The following FZR1 variants were observed in gnomAD, a reference collection of about 807,000 sequenced individuals.
FZR1 encodes fizzy-related protein homolog.
FZR1 carries 11 observed loss-of-function variants against 63.6 expected under a neutral mutation model. That is an observed-to-expected ratio of 0.17 (90% confidence interval 0.11 to 0.29). The LOEUF is 0.29. Ranked by LOEUF, FZR1 falls within the 10% of genes least tolerant of loss-of-function variation. The probability of loss-of-function intolerance (pLI) is 1.00; values close to 1 mark genes in which losing one functional copy is unlikely to be tolerated. For synonymous variants in FZR1, 328 were observed against 297.9 expected (o/e 1.10, Z -1.04); for missense variants, 440 against 687.5 (o/e 0.64, Z 4.03).
chr19:3,512,799 G>A (rs768795838), intron 1 of FZR1, among the ~76,000 whole-genome samples: 36 of 152,158 alleles, frequency 2.4e-4, no homozygotes, highest in Admixed American at 1.1e-3. Flanking sequence ...CTCCTCTGAG[G>A]AGTGGCTGGG....
intron 1 of FZR1, among the ~76,000 whole-genome samples, chr19:3,513,727 C>T (rs2083039262): frequency 6.6e-6 from 1 of 152,166 alleles, no homozygotes; most frequent in Admixed American, 6.5e-5. Flanking sequence ...GGTGTTCCCT[C>T]CTCCCTTACC....
Position 3,525,938 on chromosome 19 carries a change from G to A in FZR1, c.140G>A (p.Arg47His). The A allele has an allele frequency of 6.2e-7, 1 of 1,612,364 alleles. No homozygotes were observed. The highest frequency in any genetic ancestry group is 8.5e-7 in the Non-Finnish European group (1 of 1,179,852). The change falls in exon 3 of 14, where the codon CGC becomes CAC. Residue 47 changes from arginine (R) to histidine (H), a missense_variant. Physicochemically the swap from Arg to His is conservative, Grantham distance 29 (BLOSUM62 0). Transcript: ENST00000441788. This position sits in a 1 kb window ranked among gnomAD's most constrained non-coding sequence, Gnocchi z 4.2. ...TCCTCGCCCAGCAAGCACGGAGACC[G>A]CTTCATCCCCTCCAGAGCCGGAGCC... ...PVSSPSKHGD[R>H]FIPSRAGANW...
rs2083141455 is a variant in FZR1 at position 3,525,223 on chromosome 19, T to C, written c.70-645T>C. Among the ~76,000 whole-genome samples, 1 of 152,014 alleles carries C rather than the reference T, an allele frequency of 6.6e-6. No individual in the cohort carries two copies. Among genetic ancestry groups the C allele is most frequent in the Admixed American group, 6.6e-5 (1 of 15,264 alleles). The stretch of plus-strand genomic sequence containing the variant: ...CAGCGTTGGGAGGGCAGTTGGGGTC[T>C]TGTGCTCCCTGGCTCTGTCCCCTCC... On this transcript the variant is annotated intron_variant, in intron 2 of 13. Transcript: ENST00000441788. This position sits in a 1 kb window ranked among gnomAD's most constrained non-coding sequence, Gnocchi z 4.2.
At chr19:3,509,964 G>A (rs1259179060) in intron 1 of FZR1, among the ~76,000 whole-genome samples, 2 of 152,080 alleles carry the variant, frequency 1.3e-5, no homozygotes, top group East Asian at 1.9e-4. Context: ...TGACTGAGGC[G>A]CTGGTGCCTC....
At chr19:3,512,434 T>G (rs1194746251) in intron 1 of FZR1, among the ~76,000 whole-genome samples, 2 of 152,136 alleles carry the variant, frequency 1.3e-5, no homozygotes, top group Non-Finnish European at 2.9e-5. Context: ...TCCCAAGAGG[T>G]GAAGCTGCCC....
At chr19:3,520,399 A>G (rs1040285704) in intron 1 of FZR1, among the ~76,000 whole-genome samples, 1 of 152,152 alleles carries the variant, frequency 6.6e-6, no homozygotes, top group African/African-American at 2.4e-5. Context: ...CTTTGGGCCC[A>G]TGTGCTTTGG....
Position 3,532,007 on chromosome 19 carries a change from G to A in FZR1, c.920G>A (p.Arg307Gln), listed in dbSNP as rs868064252. 5.8e-6 allele frequency: 9 copies of A among 1,560,420 alleles called. No homozygotes were observed. Among genetic ancestry groups the A allele is most frequent in the African/African-American group, 1.3e-5 (1 of 74,134 alleles). The change falls in exon 10 of 14, where the codon CGG (arginine) becomes CAG (glutamine). Residue 307 changes from arginine (R) to glutamine (Q), a missense_variant. This residue lies in a region of FZR1 where 208 missense variants were observed against 363.6 expected (regional missense o/e 0.57). Transcript: ENST00000441788. ...DIRTPPLQSE[R>Q]RLQGHRQEVC... ...CGCACCCCGCCACTGCAGTCGGAGC[G>A]GCGGCTGCAGGGCCACCGGCAGGAG...
rs202117420 is a variant in FZR1, at chr19:3,512,719, C to T, written c.-35+6245C>T. Among the ~76,000 whole-genome samples, 31 of 152,232 alleles carry T rather than the reference C, an allele frequency of 2.0e-4. No individual in the cohort carries two copies. In the East Asian group the frequency reaches 3.5e-3, roughly 17 times the overall value. On this transcript the variant is annotated intron_variant, in intron 1 of 13. Coordinates refer to ENST00000441788, the MANE Select transcript of FZR1 (RefSeq NM_016263.4). ...GACAAGGCCATCTATGCAGCTGGCA[C>T]GGCTGCCCCCTTAATCACATCATGA...
intron 7 of FZR1, among the ~76,000 whole-genome samples, chr19:3,529,218 T>C (rs938019708): frequency 6.7e-5 from 3 of 44,534 alleles, no homozygotes; most frequent in African/African-American, 1.8e-4. Flanking sequence ...GAGTGGATGG[T>C]TGAGCGGATG....
At chr19:3,532,279 T>A in intron 10 of FZR1, 138 bp from the exon 11 acceptor site, 1 of 840,344 alleles carries the variant, frequency 1.2e-6, no homozygotes. Flanking sequence ...GTGACGAGTG[T>A]GTGCCCCCAG....
At position 3,534,480 on chromosome 19, in the gene FZR1, C is replaced by T. The variant is rs1234187490; in HGVS notation, c.1407C>T (p.Phe469=). 5 of 1,610,400 alleles carry T rather than the reference C, an allele frequency of 3.1e-6. No homozygotes were observed. The Admixed American group carries it at 6.7e-5, about 22-fold the overall frequency. The change falls in exon 13 of 14, where the codon TTC becomes TTT. Residue 469 remains phenylalanine (F), a synonymous_variant. Coordinates refer to ENST00000441788, the MANE Select transcript of FZR1 (RefSeq NM_016263.4). ...VTGAGDETLR[F]WNVFSKTRST... is the part of the protein sequence containing the mutation. ...GTGCTGGAGACGAGACCCTGAGGTT[C>T]TGGAACGTCTTTAGCAAAACCCGTT...
Position 3,533,209 on chromosome 19 carries a change from G to A in FZR1, c.1243-85G>A. 2.4e-6 allele frequency: 2 copies of A among 838,794 alleles called. No homozygotes were observed. Among genetic ancestry groups the A allele is most frequent in the Non-Finnish European group, 4.1e-6 (2 of 492,180 alleles). 52.0% of individuals were successfully genotyped at this position (838,794 alleles called of 1,614,324 possible). A position where few individuals can be genotyped will look rare whatever the true frequency, so the allele number is the denominator to read the frequency against. On this transcript the variant is annotated intron_variant, in intron 11 of 13. Coordinates refer to ENST00000441788, the MANE Select transcript of FZR1 (RefSeq NM_016263.4). This position sits in a 1 kb window ranked among gnomAD's most constrained non-coding sequence, Gnocchi z 4.9. ...CTGGCGGCTCTGAGCTCTCACATGG[G>A]CTCAGGCGGGTGCATGTGAGGCAGC... is the stretch of plus-strand genomic sequence containing the variant.
At chr19:3,523,825 T>G (rs2083126200) in intron 2 of FZR1, among the ~76,000 whole-genome samples, 2 of 152,208 alleles carry the variant, frequency 1.3e-5, no homozygotes, top group South Asian at 4.1e-4. Flanking sequence ...GCAACCTCTG[T>G]GCCCAGGCAT....
rs1157074044 is a variant in FZR1, at chr19:3,514,817, T to G, written c.-34-8139T>G. On this transcript the variant is annotated intron_variant, in intron 1 of 13. Transcript: ENST00000441788. The surrounding 1 kb of genome is among the most constrained non-coding windows in gnomAD (Gnocchi z 4.2). ...CGTCTCCCTCTGTACGGGGGCCCTGTCACTGTTTTGTCAGGTGACTGGGTC... is the reference window on the plus strand; with the variant it reads ...CGTCTCCCTCTGTACGGGGGCCCTGGCACTGTTTTGTCAGGTGACTGGGTC... Among the ~76,000 whole-genome samples the G allele has an allele frequency of 6.6e-6, 1 of 152,216 alleles. No homozygotes were observed. The highest frequency in any genetic ancestry group is 2.4e-5 in the African/African-American group (1 of 41,452).
At chr19:3,511,965 C>T (rs1200890332) in intron 1 of FZR1, among the ~76,000 whole-genome samples, 3 of 152,178 alleles carry the variant, frequency 2.0e-5, no homozygotes, top group Non-Finnish European at 4.4e-5. Flanking sequence ...TCCGCTAGGC[C>T]CCGGCTCTGG....
In FZR1 at chr19:3,535,036, G is replaced by A. The variant is rs779600652; in HGVS notation, c.*200G>A. The A allele has an allele frequency of 1.5e-4, 88 of 601,106 alleles. No individual in the cohort carries two copies. The highest frequency in any genetic ancestry group is 2.3e-4 in the Non-Finnish European group (78 of 336,122). The allele number at this position is 601,106 out of a possible 1,614,324, so 37.2% of individuals were successfully genotyped here. A position where few individuals can be genotyped will look rare whatever the true frequency, so the allele number is the denominator to read the frequency against. On this transcript the variant is annotated 3_prime_UTR_variant, in exon 14 of 14. Transcript: ENST00000441788. ...GTCCACCAGTATCTGGGGTGGGCAC[G>A]TGGTCGGGGACCCTCAGCAGCAGGG...
chr19:3,531,672 C>A, intron 8 of FZR1, 42 bp from the exon 9 acceptor site: 1 of 1,408,072 alleles, frequency 7.1e-7, no homozygotes, highest in Non-Finnish European at 9.8e-7. Flanking sequence ...AGTCCCCGGG[C>A]CAGACCTGAC....
In FZR1 at chr19:3,522,959, A is replaced by C; in HGVS notation, c.-31A>C. The C allele has an allele frequency of 6.4e-7, 1 of 1,554,470 alleles. No homozygotes were observed. The highest frequency in any genetic ancestry group is 8.9e-7 in the Non-Finnish European group (1 of 1,126,724). On this transcript the variant is annotated 5_prime_UTR_variant, in exon 2 of 14. Coordinates refer to ENST00000441788, the MANE Select transcript of FZR1 (RefSeq NM_016263.4). ...TCTCCTGCCCTTCCCGCTGCAGGCT[A>C]ACCTTGCCGCGGGCCGAGCCCTGCC...
In FZR1 at chr19:3,533,595, C is replaced by G. The variant is rs1190434796; in HGVS notation, c.1347+197C>G. ...GTTGGAATGGGCTCTACCGAACTCCCCAGCCCTGCAGGTGCAGGCCCTGTC... is the reference window on the plus strand; with the variant it reads ...GTTGGAATGGGCTCTACCGAACTCCGCAGCCCTGCAGGTGCAGGCCCTGTC... On this transcript the variant is annotated intron_variant, in intron 12 of 13. Coordinates refer to ENST00000441788, the MANE Select transcript of FZR1 (RefSeq NM_016263.4). This position sits in a 1 kb window ranked among gnomAD's most constrained non-coding sequence, Gnocchi z 4.9. 1.7e-6 allele frequency: 1 copy of G among 576,512 alleles called. No homozygotes were observed. Among genetic ancestry groups the G allele is most frequent in the Non-Finnish European group, 3.1e-6 (1 of 322,044 alleles). 35.7% of individuals were successfully genotyped at this position (576,512 alleles called of 1,614,324 possible). A position where few individuals can be genotyped will look rare whatever the true frequency, so the allele number is the denominator to read the frequency against.
Sources: gnomAD v4.1 joint callset for allele counts (sites outside exome capture counted in the v4.1 genomes callset) on GRCh38, gnomAD v4.1.1 for gene constraint, gnomAD v4.1.1 regional missense constraint, Gnocchi (gnomAD v3.1) non-coding constraint, MANE v1.5 for transcripts, NCBI Gene and HGNC (gene_info 2026-07-23, HGNC 2026-07-21) for gene names.